TUSC3: variants seen among roughly 807,000 people sequenced by gnomAD.
The protein encoded by TUSC3 is dolichyl-diphosphooligosaccharide--protein glycosyltransferase subunit TUSC3.
A neutral mutation model predicts 44.8 loss-of-function variants in TUSC3; 45 were observed. The observed-to-expected ratio is 1.00, with a 90% confidence interval of 0.79 to 1.29. The LOEUF is 1.29. TUSC3 is among the 50% of genes most tolerant of loss of function. TUSC3 has a pLI of 0.00. For missense variants in TUSC3, 519 were observed against 437.9 expected, an observed-to-expected ratio of 1.19 and a Z score of -1.65; for synonymous variants, 212 against 152.9, an observed-to-expected ratio of 1.39 and a Z score of -2.85.
intron 6 of TUSC3, among the ~76,000 whole-genome samples, chr8:15,689,854 G>A (rs1187919800): frequency 8.0e-5 from 5 of 62,692 alleles, no homozygotes; most frequent in East Asian, 4.6e-4. Flanking sequence ...GTGTGTGTGT[G>A]TGTGTGTGTA....
chr8:15,556,625 G>T (rs1488223380), intron 1 of TUSC3, among the ~76,000 whole-genome samples: 1 of 146,294 alleles, frequency 6.8e-6, no homozygotes, highest in African/African-American at 2.5e-5. Context: ...CACCAACAGT[G>T]TAAAAGTGTT....
At chr8:15,508,879 C>G (rs946522359) in intron 2 of TUSC3, among the ~76,000 whole-genome samples, 2 of 152,160 alleles carry the variant, frequency 1.3e-5, no homozygotes, top group African/African-American at 2.4e-5. Flanking sequence ...AATATATTAC[C>G]TTAATTCTTC....
rs1342060481 is a variant in TUSC3, at chr8:15,765,360, CTTTTTG to C, written c.*1210_*1215del. ...CTTGAGTCAGTTCAATAAGTGTTTG[CTTTTTG>C]TTTTTAAGGTTTGTTATCTAATTTT... is the stretch of plus-strand genomic sequence containing the variant. On this transcript the variant is annotated 3_prime_UTR_variant, in exon 11 of 11. Transcript: ENST00000503731. The C allele has an allele frequency of 6.6e-6, 1 of 151,872 alleles. No homozygotes were observed. The highest frequency in any genetic ancestry group is 1.5e-5 in the Non-Finnish European group (1 of 67,888). The allele number at this position is 151,872 out of a possible 1,614,324, so 9.4% of individuals were successfully genotyped here. A position where few individuals can be genotyped will look rare whatever the true frequency, so the allele number is the denominator to read the frequency against.
At chr8:15,430,833 T>C (rs1284013896) in intron 1 of TUSC3, among the ~76,000 whole-genome samples, 3 of 151,688 alleles carry the variant, frequency 2.0e-5, no homozygotes, top group African/African-American at 7.3e-5. Flanking sequence ...TATACACCAA[T>C]AACAGACAAA....
intron 7 of TUSC3, among the ~76,000 whole-genome samples, chr8:15,738,357 GGTATACA>G (rs1811024640): frequency 6.6e-6 from 1 of 152,124 alleles, no homozygotes; most frequent in African/African-American, 2.4e-5. Flanking sequence ...GAGACATAAT[GGTATACA>G]GTTTTTTTGA....
At chr8:15,781,711 T>C in the TUSC3 span, among the ~76,000 whole-genome samples, 1 of 152,168 alleles carries the variant, frequency 6.6e-6, no homozygotes, top group Admixed American at 6.5e-5. Context: ...GTGAATTCCA[T>C]GAAACGTTCA....
chr8:15,527,348 C>G (rs917778502), intron 2 of TUSC3, among the ~76,000 whole-genome samples: 3 of 152,080 alleles, frequency 2.0e-5, no homozygotes, highest in African/African-American at 7.2e-5. Flanking sequence ...TCCCTAGTAG[C>G]TGGGATTACA....
At chr8:15,614,583 A>G (rs1382603767) in intron 1 of TUSC3, among the ~76,000 whole-genome samples, 2 of 152,120 alleles carry the variant, frequency 1.3e-5, no homozygotes, top group African/African-American at 4.8e-5. Flanking sequence ...AGTGAATATA[A>G]TGTTCCTGAG....
the TUSC3 span, among the ~76,000 whole-genome samples, chr8:15,784,589 G>A: frequency 2.1e-4 from 32 of 151,954 alleles, no homozygotes; most frequent in Non-Finnish European, 4.4e-4. Flanking sequence ...CCTTTAAAAA[G>A]TAGGAAATTC....
intron 10 of TUSC3, chr8:15,758,403 A>T (rs1306266893): frequency 9.3e-6 from 3 of 323,712 alleles, no homozygotes; most frequent in Non-Finnish European, 1.3e-5. Context: ...TTACATAAAA[A>T]TATAATTTTA....
At chr8:15,760,377 A>C (rs945432293) in intron 10 of TUSC3, among the ~76,000 whole-genome samples, 2 of 152,178 alleles carry the variant, frequency 1.3e-5, no homozygotes, top group African/African-American at 2.4e-5. Flanking sequence ...AGTTAACTAC[A>C]TTCTACAATA....
At chr8:15,629,618 A>G (rs1585170938) in intron 2 of TUSC3, among the ~76,000 whole-genome samples, 1 of 141,192 alleles carries the variant, frequency 7.1e-6, no homozygotes, top group Admixed American at 7.4e-5. Context: ...GTACTTTTGG[A>G]CCACTTCTGT....
At chr8:15,744,447 T>C (rs1320157171) in intron 8 of TUSC3, among the ~76,000 whole-genome samples, 1 of 152,162 alleles carries the variant, frequency 6.6e-6, no homozygotes, top group Non-Finnish European at 1.5e-5. Context: ...TTTCTTTGCA[T>C]TTCTGAACTC....
chr8:15,496,091 G>C (rs896152811), intron 2 of TUSC3, among the ~76,000 whole-genome samples: 18 of 152,088 alleles, frequency 1.2e-4, no homozygotes, highest in Non-Finnish European at 2.9e-5. Flanking sequence ...GTCCTGTAGA[G>C]GAAAGCCACG....
chr8:15,537,584 A>G (rs1281209957), upstream of TUSC3, among the ~76,000 whole-genome samples: 1 of 152,174 alleles, frequency 6.6e-6, no homozygotes, highest in Non-Finnish European at 1.5e-5. Context: ...ATGACATCTC[A>G]TGTGTTTCTA....
chr8:15,425,239 G>T (rs10090596), intron 1 of TUSC3, among the ~76,000 whole-genome samples: 10,386 of 152,234 alleles, frequency 0.068, 1,049 homozygotes, highest in African/African-American at 0.22. Flanking sequence ...TGGAAAAAAT[G>T]ACAAAGCACT....
At chr8:15,582,114 C>A (rs570845466) in intron 1 of TUSC3, among the ~76,000 whole-genome samples, 2 of 150,674 alleles carry the variant, frequency 1.3e-5, no homozygotes, top group East Asian at 3.9e-4. Context: ...GGAAAGGGAA[C>A]TCCCTGACCC....
intron 2 of TUSC3, among the ~76,000 whole-genome samples, chr8:15,489,287 A>G (rs972736488): frequency 1.0e-3 from 159 of 152,216 alleles, no homozygotes; most frequent in African/African-American, 3.7e-3. Flanking sequence ...GACTGGAGGA[A>G]TTAAGTTGTT....
At chr8:15,737,541 A>C (rs73665491) in intron 7 of TUSC3, among the ~76,000 whole-genome samples, 3,340 of 152,218 alleles carry the variant, frequency 0.022, 126 homozygotes, top group African/African-American at 0.077. Flanking sequence ...CAGTAGTTTA[A>C]ATATATATTG....
Sources: gnomAD v4.1 joint callset for allele counts (sites outside exome capture counted in the v4.1 genomes callset) on GRCh38, gnomAD v4.1.1 for gene constraint, MANE v1.5 for transcripts, NCBI Gene and HGNC (gene_info 2026-07-23, HGNC 2026-07-21) for gene names.